RABL3: variants seen among roughly 807,000 people sequenced by gnomAD.
RABL3 encodes the protein RAB, member of RAS oncogene family like 3.
In RABL3, 31 loss-of-function variants were observed where a neutral mutation model predicts 31.8. The observed-to-expected ratio is 0.97, with a 90% confidence interval of 0.73 to 1.31. The LOEUF (loss-of-function observed/expected upper bound fraction) is 1.31. RABL3 is among the 40% of genes most tolerant of loss of function. The pLI, the probability that RABL3 is intolerant of heterozygous loss-of-function variation, is 0.00. For synonymous variants in RABL3, 97 were observed against 99.9 expected (o/e 0.97, Z 0.18); for missense variants, 263 against 279.6 (o/e 0.94, Z 0.42).
At position 120,699,253 on chromosome 3, in the gene RABL3, C is replaced by T. The variant is rs537314241; in HGVS notation, c.384-680G>A. ...CAAAATGAATAGTAAAAGGAAAGAA[C>T]TTAGTACCAAGTAGTTGTTTCCTGA... On this transcript the variant is annotated intron_variant, in intron 4 of 7. Coordinates refer to ENST00000273375, the MANE Select transcript of RABL3 (RefSeq NM_173825.5). Among the ~76,000 whole-genome samples the T allele has an allele frequency of 3.9e-5, 6 of 152,202 alleles. No individual in the cohort carries two copies. In the South Asian group the frequency reaches 1.2e-3, roughly 32 times the overall value.
intron 2 of RABL3, among the ~76,000 whole-genome samples, chr3:120,725,469 A>G (rs984393023): frequency 6.6e-6 from 1 of 152,234 alleles, no homozygotes; most frequent in African/African-American, 2.4e-5. Flanking sequence ...AGGATTATAA[A>G]TCATGCTGCT....
rs891586130 is a variant in RABL3, at chr3:120,689,062, T to C, written c.*761A>G. ...CTTGTGCAGGTCTTAGATTTTACCC[T>C]ACCTATTTCCAAACAGAAAACCTAG... On this transcript the variant is annotated 3_prime_UTR_variant, in exon 8 of 8. Coordinates refer to ENST00000273375, the MANE Select transcript of RABL3 (RefSeq NM_173825.5). The C allele has an allele frequency of 1.3e-5, 2 of 152,186 alleles. No homozygotes were observed. The highest frequency in any genetic ancestry group is 2.9e-5 in the Non-Finnish European group (2 of 68,030). 9.4% of individuals were successfully genotyped at this position (152,186 alleles called of 1,614,324 possible).
In RABL3 at chr3:120,696,388, C is replaced by G. The variant is rs548073578; in HGVS notation, c.534+2035G>C. Among the ~76,000 whole-genome samples, 11 of 152,194 alleles carry G rather than the reference C, an allele frequency of 7.2e-5. No individual in the cohort carries two copies. In the East Asian group the frequency reaches 1.9e-3, roughly 27 times the overall value. On this transcript the variant is annotated intron_variant, in intron 5 of 7. Coordinates refer to ENST00000273375, the MANE Select transcript of RABL3 (RefSeq NM_173825.5). ...TGAAACTCTTGTATTCAATTTTCCT[C>G]CTCATTTTTTCTTCCCTGCATTCTC...
chr3:120,732,305 A>G (rs549090037), intron 1 of RABL3, among the ~76,000 whole-genome samples: 1 of 152,174 alleles, frequency 6.6e-6, no homozygotes, highest in South Asian at 2.1e-4. Flanking sequence ...GTTATAAAGT[A>G]TTTTCTGAAC....
At chr3:120,703,520 T>C (rs548636280) in intron 4 of RABL3, among the ~76,000 whole-genome samples, 9 of 151,656 alleles carry the variant, frequency 5.9e-5, no homozygotes, top group Non-Finnish European at 1.2e-4. Context: ...TAAGAAGCTA[T>C]AGAGAACAAA....
chr3:120,709,735 A>G lies in RABL3; in HGVS notation c.268+45T>C, dbSNP rs912671232. ...TGGCATTACATATCAGATGATCTAT[A>G]CTCTTAGACCATTAATATAAGATAG... On this transcript the variant is annotated intron_variant, in intron 3 of 7. Transcript: ENST00000273375. 4 of 1,405,230 alleles carry G rather than the reference A, an allele frequency of 2.8e-6. No homozygotes were observed. The South Asian group carries it at 4.9e-5, about 17-fold the overall frequency. 87.0% of individuals were successfully genotyped at this position (1,405,230 alleles called of 1,614,324 possible).
At position 120,685,549 on chromosome 3, in the gene RABL3, T is replaced by C. The variant is rs1708299153; in HGVS notation, c.*4274A>G. ...AAAACAGTGGCAGTAATAAAAATGA[T>C]AGCAATACATGAAAGACAAATACTT... On this transcript the variant is annotated 3_prime_UTR_variant, in exon 8 of 8. Coordinates refer to ENST00000273375, the MANE Select transcript of RABL3 (RefSeq NM_173825.5). Among the ~76,000 whole-genome samples the C allele has an allele frequency of 6.6e-6, 1 of 152,286 alleles. No individual in the cohort carries two copies. The highest frequency in any genetic ancestry group is 1.5e-5 in the Non-Finnish European group (1 of 68,020).
intron 1 of RABL3, among the ~76,000 whole-genome samples, chr3:120,732,325 G>A (rs1708893613): frequency 6.6e-6 from 1 of 152,072 alleles, no homozygotes; most frequent in South Asian, 2.1e-4. Flanking sequence ...CCCACATAGG[G>A]AGAACTAAGC....
chr3:120,736,807 G>T (rs1466967556), intron 1 of RABL3, among the ~76,000 whole-genome samples: 1 of 152,180 alleles, frequency 6.6e-6, no homozygotes, highest in East Asian at 1.9e-4. Flanking sequence ...AGTTTGGCTG[G>T]ATATGAAATT....
intron 4 of RABL3, among the ~76,000 whole-genome samples, chr3:120,700,829 T>G (rs2107578523): frequency 6.6e-6 from 1 of 152,146 alleles, no homozygotes; most frequent in East Asian, 1.9e-4. Context: ...AGGCAACGGG[T>G]ATATGGGAGT....
chr3:120,710,964 C>G (rs938158982), intron 2 of RABL3, among the ~76,000 whole-genome samples: 2 of 152,132 alleles, frequency 1.3e-5, no homozygotes, highest in Non-Finnish European at 2.9e-5. Flanking sequence ...TATTCCTTGT[C>G]AAGGTCACCA....
chr3:120,698,402 T>C (rs1266932147), intron 5 of RABL3, 21 bp downstream of exon 5: 1 of 1,601,672 alleles, frequency 6.2e-7, no homozygotes, highest in East Asian at 2.2e-5. Context: ...AATACAAGCA[T>C]GCATTAGTGA....
At chr3:120,733,224 G>C (rs1708909120) in intron 1 of RABL3, among the ~76,000 whole-genome samples, 1 of 152,164 alleles carries the variant, frequency 6.6e-6, no homozygotes. Flanking sequence ...TCCAGCACCT[G>C]TTTTTTCATG....
intron 1 of RABL3, chr3:120,738,388 G>A (rs990662958): frequency 2.0e-5 from 3 of 152,464 alleles, no homozygotes; most frequent in Admixed American, 6.5e-5. Context: ...CAATTTTCCA[G>A]GTGCTGTCTG....
At chr3:120,737,226 T>C (rs1226579966) in intron 1 of RABL3, among the ~76,000 whole-genome samples, 2 of 152,238 alleles carry the variant, frequency 1.3e-5, no homozygotes, top group Admixed American at 6.5e-5. Flanking sequence ...GTTCGTTCTT[T>C]TTACTCTTTT....
rs1159324495 is a variant in RABL3, at chr3:120,685,619, G to T, written c.*4204C>A. On this transcript the variant is annotated 3_prime_UTR_variant, in exon 8 of 8. Coordinates refer to ENST00000273375, the MANE Select transcript of RABL3 (RefSeq NM_173825.5). ...TGACAATCATCTCATGTTTAATTTG[G>T]CATATGTAGCTTTGAGTGGGGAGGA... Among the ~76,000 whole-genome samples the T allele has an allele frequency of 1.3e-5, 2 of 152,166 alleles. No individual in the cohort carries two copies. Among genetic ancestry groups the T allele is most frequent in the African/African-American group, 4.8e-5 (2 of 41,440 alleles).
rs749633903 is a variant in RABL3 at position 120,705,985 on chromosome 3, G to A, written c.383+15C>T. The A allele has an allele frequency of 1.1e-5, 16 of 1,434,298 alleles. No individual in the cohort carries two copies. In the Admixed American group the frequency reaches 2.2e-4, roughly 19 times the overall value. 88.8% of individuals were successfully genotyped at this position (1,434,298 alleles called of 1,614,324 possible). On this transcript the variant is annotated intron_variant, in intron 4 of 7. Coordinates refer to ENST00000273375, the MANE Select transcript of RABL3 (RefSeq NM_173825.5). Reference sequence around the variant, plus strand: ...ATTGCTACAATCTTTCAAACCAATTGTGAAATTGGCTCACCCATTTGTCAC... The same window carrying A: ...ATTGCTACAATCTTTCAAACCAATTATGAAATTGGCTCACCCATTTGTCAC...
chr3:120,723,640 C>G (rs1336609914), intron 2 of RABL3, among the ~76,000 whole-genome samples: 1 of 152,158 alleles, frequency 6.6e-6, no homozygotes, highest in Non-Finnish European at 1.5e-5. Context: ...AAGGCTGGTT[C>G]AACATACGCA....
At chr3:120,690,607 T>C (rs971893744) in intron 6 of RABL3, 120 bp from the exon 7 acceptor site, 16 of 667,172 alleles carry the variant, frequency 2.4e-5, no homozygotes, top group Non-Finnish European at 4.0e-5. Context: ...TCCATAGCAG[T>C]AGACATGTAG....
Sources: gnomAD v4.1 joint callset for allele counts (sites outside exome capture counted in the v4.1 genomes callset) on GRCh38, gnomAD v4.1.1 for gene constraint, MANE v1.5 for transcripts, NCBI Gene and HGNC (gene_info 2026-07-23, HGNC 2026-07-21) for gene names.